Variants in RYR1 observed in about 807,000 individuals in gnomAD.
The protein encoded by RYR1 is central core disease of muscle.
RYR1 carries 342 observed loss-of-function variants against 583.5 expected under a neutral mutation model. The observed-to-expected ratio is 0.59, with a 90% CI of 0.54 to 0.64. RYR1 has a LOEUF of 0.64. RYR1 is among the 30% of genes least tolerant of loss of function. The probability of loss-of-function intolerance (pLI) is 0.00; values close to 1 mark genes in which losing one functional copy is unlikely to be tolerated. For missense variants in RYR1, 6,032 were observed against 6,917.2 expected (o/e 0.87, Z 4.54); for synonymous variants, 2,791 against 2,822.5 (o/e 0.99, Z 0.35).
rs369244441 is a variant in RYR1 at position 38,566,996 on chromosome 19, C to A, written c.13514+9C>A. 7.6e-6 allele frequency: 12 copies of A among 1,583,400 alleles called. No homozygotes were observed. The highest frequency in any genetic ancestry group is 1.3e-5 in the African/African-American group (1 of 74,522). ...GAGCCGGAGAAAGCCGAGTGAGTGG[C>A]CTTGGGGCTGAGGGGCCTAGCCCCT... On this transcript the variant is annotated intron_variant, in intron 92 of 105. Coordinates refer to ENST00000359596, the MANE Select transcript of RYR1 (RefSeq NM_000540.3).
chr19:38,492,225 C>T (rs1019937013), intron 37 of RYR1, among the ~76,000 whole-genome samples: 3 of 151,938 alleles, frequency 2.0e-5, no homozygotes, highest in Non-Finnish European at 2.9e-5. Flanking sequence ...ATTAACAGGG[C>T]ATGGTGGCAT....
chr19:38,490,478 CTA>C (rs1279413996), intron 36 of RYR1, 141 bp from the exon 37 acceptor site: 4 of 795,546 alleles, frequency 5.0e-6, no homozygotes, highest in Non-Finnish European at 6.4e-6. Context: ...ACCTCTGGCC[CTA>C]GTCTCCCAAA....
chr19:38,573,280 A>T lies in RYR1; in HGVS notation c.14102A>T (p.Gln4701Leu). 6.2e-7 allele frequency: 1 copy of T among 1,613,804 alleles called. No homozygotes were observed. The highest frequency in any genetic ancestry group is 8.5e-7 in the Non-Finnish European group (1 of 1,179,838). ...EQPEDDDVKG[Q>L]WDRLVLNTPS... ...CCTGAGGACGATGACGTGAAGGGGC[A>T]GTGGGACCGACTGGTGCTCAACACG... Residue 4701 changes from glutamine (Q) to leucine (L), a missense_variant, in exon 96 of 106, where the codon CAG becomes CTG. Gln to Leu is a moderately radical substitution (Grantham distance 113). Around this residue, in one of 11 missense-constraint regions of RYR1, gnomAD observed 188 missense variants for 215.6 expected, o/e 0.87. Coordinates refer to ENST00000359596, the MANE Select transcript of RYR1 (RefSeq NM_000540.3).
rs373662848 is a variant in RYR1 at position 38,499,849 on chromosome 19, G to A, written c.7214+28G>A. 2.7e-5 allele frequency: 43 copies of A among 1,611,152 alleles called. No individual in the cohort carries two copies. The highest frequency in any genetic ancestry group is 6.8e-6 in the Non-Finnish European group (8 of 1,179,658). On this transcript the variant is annotated intron_variant, in intron 44 of 105. Transcript: ENST00000359596. This position sits in a 1 kb window ranked among gnomAD's most constrained non-coding sequence, Gnocchi z 7.3. ...GAGTCTCCCGGCCCCCTCCTCAATA[G>A]GGCAACCCGCCCTCCCTGGCCCCTG...
At chr19:38,533,779 A>G (rs1445261189) in intron 78 of RYR1, among the ~76,000 whole-genome samples, 1 of 148,194 alleles carries the variant, frequency 6.7e-6, no homozygotes, top group Non-Finnish European at 1.5e-5. Context: ...GCGAGACTCC[A>G]TCTCAAAAAA....
chr19:38,532,527 G>C lies in RYR1; in HGVS notation c.11179G>C (p.Asp3727His), dbSNP rs572073170. The C allele has an allele frequency of 6.2e-7, 1 of 1,614,182 alleles. No homozygotes were observed. The highest frequency in any genetic ancestry group is 1.3e-5 in the African/African-American group (1 of 75,050). ...GGATTACCTGTACATGGCCTATGCT[G>C]ATATCATGGCAAAGGTGAGGCCCTA... ...DEDYLYMAYA[D>H]IMAKSCHLEE... Residue 3727 changes from aspartate (D) to histidine (H), a missense_variant, in exon 77 of 106, where the codon GAT (aspartate) becomes CAT (histidine). By Grantham distance (81) the Asp-to-His change is moderately conservative. Coordinates refer to ENST00000359596, the MANE Select transcript of RYR1 (RefSeq NM_000540.3).
chr19:38,454,481 T>C (rs1967258979), intron 13 of RYR1, among the ~76,000 whole-genome samples: 1 of 152,230 alleles, frequency 6.6e-6, no homozygotes, highest in Admixed American at 6.5e-5. Flanking sequence ...AATTAAGGCA[T>C]GAGTTATAGT....
intron 67 of RYR1, among the ~76,000 whole-genome samples, chr19:38,522,184 A>G (rs1971254699): frequency 6.6e-6 from 1 of 152,202 alleles, no homozygotes; most frequent in Non-Finnish European, 1.5e-5. Flanking sequence ...ATAATTCACC[A>G]GGTTGATATT....
Position 38,502,648 on chromosome 19 carries a change from G to A in RYR1, c.7756G>A (p.Val2586Met), listed in dbSNP as rs761841263. The A allele has an allele frequency of 2.5e-6, 4 of 1,612,806 alleles. No individual in the cohort carries two copies. The highest frequency in any genetic ancestry group is 3.3e-5 in the Admixed American group (2 of 60,000). Residue 2586 changes from valine (V) to methionine (M), a missense_variant, in exon 48 of 106, where the codon GTG becomes ATG. By Grantham distance (21) the Val-to-Met change is conservative (BLOSUM62 1). Transcript: ENST00000359596. ...AIMVDSMLHTVYRLSRGRSLT... is the reference protein window; with the variant it reads ...AIMVDSMLHTMYRLSRGRSLT... ...CATGGTGGACTCTATGCTGCATACC[G>A]TGTACCGCCTGTCTCGGGGTCGTTC...
At position 38,528,422 on chromosome 19, in the gene RYR1, A is replaced by C; in HGVS notation, c.10937+4A>C. On this transcript the variant is annotated splice_donor_region_variant and intron_variant, in intron 74 of 105. Transcript: ENST00000359596. The stretch of plus-strand genomic sequence containing the variant: ...CGCCCCTGTACAACCTGCCCACGTA[A>C]GGCCCCCAGGGACAAGGGAAGCGTG... The C allele has an allele frequency of 6.2e-7, 1 of 1,613,862 alleles. No homozygotes were observed. Among genetic ancestry groups the C allele is most frequent in the Non-Finnish European group, 8.5e-7 (1 of 1,179,768 alleles).
In RYR1 at chr19:38,496,184, T is replaced by C. The variant is rs766456374; in HGVS notation, c.6549-31T>C. ...ATGGCCCTCTCCGGACCTGGGCCCC[T>C]GGTGACCCCGCACACTCTGCCCGTG... On this transcript the variant is annotated intron_variant, in intron 39 of 105. Transcript: ENST00000359596. This position sits in a 1 kb window ranked among gnomAD's most constrained non-coding sequence, Gnocchi z 4.8. 18 of 1,596,488 alleles carry C rather than the reference T, an allele frequency of 1.1e-5. No individual in the cohort carries two copies. The highest frequency in any genetic ancestry group is 1.5e-5 in the Non-Finnish European group (18 of 1,166,144).
intron 25 of RYR1, 149 bp from the exon 26 acceptor site, chr19:38,468,817 C>T: frequency 1.3e-6 from 1 of 769,684 alleles, no homozygotes; most frequent in Non-Finnish European, 2.2e-6. Context: ...AAGATGGAGA[C>T]ACTGTGGGGT....
At chr19:38,531,263 A>G (rs1039463524) in intron 76 of RYR1, among the ~76,000 whole-genome samples, 5 of 151,976 alleles carry the variant, frequency 3.3e-5, no homozygotes, top group Admixed American at 1.3e-4. Flanking sequence ...CCTGTGGGAG[A>G]GCGATGGCTC....
chr19:38,535,447 C>T, intron 81 of RYR1, 55 bp downstream of exon 81: 1 of 1,291,626 alleles, frequency 7.7e-7, no homozygotes, highest in South Asian at 1.2e-5. Flanking sequence ...ACTGCCACCC[C>T]ACTCCTGGTA....
rs535402785 is a variant in RYR1, at chr19:38,490,294, G to T, written c.6015+18G>T. On this transcript the variant is annotated intron_variant, in intron 36 of 105. Transcript: ENST00000359596. ...AGGAACAGGTCATCTGACCCCTGAC[G>T]CTGGCCACTTTTACTGTCTAAACCC... 3.1e-6 allele frequency: 5 copies of T among 1,609,216 alleles called. No individual in the cohort carries two copies. In the African/African-American group the frequency reaches 6.7e-5, roughly 22 times the overall value.
intron 66 of RYR1, among the ~76,000 whole-genome samples, chr19:38,518,541 G>C (rs2145686008): frequency 6.6e-6 from 1 of 152,236 alleles, no homozygotes; most frequent in Admixed American, 6.5e-5. Flanking sequence ...TCACAACCTT[G>C]GGGTCATAGC....
chr19:38,521,243 A>G (rs1046048756), intron 67 of RYR1, among the ~76,000 whole-genome samples: 2 of 151,940 alleles, frequency 1.3e-5, no homozygotes, highest in African/African-American at 4.8e-5. Context: ...GCAGTGAGCT[A>G]TGATCACACC....
At position 38,464,026 on chromosome 19, in the gene RYR1, T is replaced by C. The variant is rs576529409; in HGVS notation, c.2786+176T>C. 4.0e-5 allele frequency among the ~76,000 whole-genome samples: 6 copies of C among 151,748 alleles called. No individual in the cohort carries two copies. The South Asian group carries it at 8.3e-4, about 21-fold the overall frequency. On this transcript the variant is annotated intron_variant, in intron 22 of 105. Coordinates refer to ENST00000359596, the MANE Select transcript of RYR1 (RefSeq NM_000540.3). ...GCACGGTGGCTCACACCTGTAATCC[T>C]AGCACTTTGGGAGGCCGAGACGGGT...
At chr19:38,451,343 G>A (rs897985341) in intron 11 of RYR1, among the ~76,000 whole-genome samples, 5 of 152,158 alleles carry the variant, frequency 3.3e-5, no homozygotes, top group Non-Finnish European at 5.9e-5. Flanking sequence ...TCACCTCGTG[G>A]AAAGGTGGTC....
Sources: gnomAD v4.1 joint callset for allele counts (sites outside exome capture counted in the v4.1 genomes callset) on GRCh38, gnomAD v4.1.1 for gene constraint, gnomAD v4.1.1 regional missense constraint, Gnocchi (gnomAD v3.1) non-coding constraint, MANE v1.5 for transcripts, NCBI Gene and HGNC (gene_info 2026-07-23, HGNC 2026-07-21) for gene names.